Variants in EYA1 observed in about 807,000 individuals in gnomAD.
EYA1 encodes EYA transcriptional coactivator and phosphatase 1, also known as protein phosphatase EYA1.
EYA1 carries 16 observed loss-of-function variants against 82.0 expected under a neutral mutation model. That is an observed-to-expected ratio of 0.20 (90% CI 0.13 to 0.30). The LOEUF (loss-of-function observed/expected upper bound fraction) is 0.30, where lower values mean the gene tolerates loss of function less well. Ranked by LOEUF, EYA1 falls within the 10% of genes least tolerant of loss-of-function variation. EYA1 has a pLI of 1.00. For synonymous variants in EYA1, 261 were observed against 264.4 expected (o/e 0.99, Z 0.12); for missense variants, 633 against 730.7 (o/e 0.87, Z 1.54).
intron 7 of EYA1, among the ~76,000 whole-genome samples, chr8:71,316,206 C>G (rs1821911065): frequency 1.3e-5 from 2 of 152,064 alleles, no homozygotes; most frequent in South Asian, 4.1e-4. Context: ...AACACACAGC[C>G]CTTCCTTGTG....
intron 17 of EYA1, among the ~76,000 whole-genome samples, chr8:71,207,614 C>A (rs1312829942): frequency 1.3e-5 from 2 of 152,054 alleles, no homozygotes; most frequent in African/African-American, 2.4e-5. Context: ...ATGTTTTCTG[C>A]AGGTGGCTGC....
chr8:71,285,607 A>C (rs764405510), intron 9 of EYA1, among the ~76,000 whole-genome samples: 25 of 152,252 alleles, frequency 1.6e-4, no homozygotes, highest in Non-Finnish European at 3.2e-4. Context: ...CAAAGAGAAG[A>C]AATGATAAAG....
chr8:71,250,037 G>A (rs1421203244), intron 11 of EYA1, among the ~76,000 whole-genome samples: 1 of 141,944 alleles, frequency 7.0e-6, no homozygotes, highest in Non-Finnish European at 1.5e-5. Flanking sequence ...TTGCTTTCTT[G>A]TTTTTTTTTT....
At chr8:71,447,452 A>G (rs1806982377) in intron 2 of EYA1, among the ~76,000 whole-genome samples, 1 of 152,220 alleles carries the variant, frequency 6.6e-6, no homozygotes, top group Non-Finnish European at 1.5e-5. Flanking sequence ...ACAGTAGAAC[A>G]GCATTTATTC....
chr8:71,451,311 G>T (rs1488814977), intron 2 of EYA1, among the ~76,000 whole-genome samples: 2 of 151,948 alleles, frequency 1.3e-5, no homozygotes, highest in Admixed American at 6.6e-5. Flanking sequence ...ATAAACAGAA[G>T]AATATTTTTT....
chr8:71,456,623 T>C (rs1037450688), intron 2 of EYA1, among the ~76,000 whole-genome samples: 3 of 151,994 alleles, frequency 2.0e-5, no homozygotes, highest in Admixed American at 2.0e-4. Flanking sequence ...AACCATGTGA[T>C]CTTTGACAAA....
intron 3 of EYA1, among the ~76,000 whole-genome samples, chr8:71,342,592 G>A (rs545500527): frequency 7.2e-5 from 11 of 152,056 alleles, no homozygotes; most frequent in Non-Finnish European, 1.2e-4. Context: ...AAACATTTCA[G>A]AACCCAAAGT....
At chr8:71,461,765 G>C (rs914327279) in intron 2 of EYA1, among the ~76,000 whole-genome samples, 1 of 152,098 alleles carries the variant, frequency 6.6e-6, no homozygotes, top group African/African-American at 2.4e-5. Context: ...AGATCCTGAG[G>C]GGGTAGCTCT....
intron 11 of EYA1, among the ~76,000 whole-genome samples, chr8:71,244,927 A>C (rs1402820661): frequency 1.3e-5 from 2 of 151,826 alleles, no homozygotes; most frequent in Non-Finnish European, 2.9e-5. Flanking sequence ...TGAAGAAAAA[A>C]CTCTTTCTTT....
At position 71,244,777 on chromosome 8, in the gene EYA1, G is replaced by A. The variant is rs1016726267; in HGVS notation, c.1051-85C>T. Reference sequence around the variant, plus strand: ...GTCTCATTAAGAGGAAGCAGGCATTGGGAGAGGCTGAAAGCAAGAGACACA... The same window carrying A: ...GTCTCATTAAGAGGAAGCAGGCATTAGGAGAGGCTGAAAGCAAGAGACACA... On this transcript the variant is annotated intron_variant, in intron 11 of 17. Coordinates refer to ENST00000340726, the MANE Select transcript of EYA1 (RefSeq NM_000503.6). 11 of 802,728 alleles carry A rather than the reference G, an allele frequency of 1.4e-5. No individual in the cohort carries two copies. The African/African-American group carries it at 1.9e-4, about 14-fold the overall frequency. 49.7% of individuals were successfully genotyped at this position (802,728 alleles called of 1,614,324 possible). A position where few individuals can be genotyped will look rare whatever the true frequency, so the allele number is the denominator to read the frequency against.
intron 9 of EYA1, among the ~76,000 whole-genome samples, chr8:71,275,570 A>C (rs574634100): frequency 2.7e-4 from 41 of 152,354 alleles, no homozygotes; most frequent in Non-Finnish European, 5.3e-4. Context: ...GGTTGGGCAC[A>C]GAAAGACAGG....
At chr8:71,222,058 T>C (rs1809990900) in intron 12 of EYA1, among the ~76,000 whole-genome samples, 1 of 152,322 alleles carries the variant, frequency 6.6e-6, no homozygotes, top group African/African-American at 2.4e-5. Flanking sequence ...CTCTTCCAAG[T>C]GCAGTTTCCT....
At chr8:71,428,491 C>T (rs1563604934) in intron 2 of EYA1, among the ~76,000 whole-genome samples, 1 of 152,230 alleles carries the variant, frequency 6.6e-6, no homozygotes, top group East Asian at 1.9e-4. Flanking sequence ...AAGGCTGAAA[C>T]TTTCAAATGC....
At chr8:71,360,199 CAA>C (rs1827251864) in intron 1 of EYA1, among the ~76,000 whole-genome samples, 2 of 151,990 alleles carry the variant, frequency 1.3e-5, no homozygotes. Flanking sequence ...AAGAAAATGA[CAA>C]AATAGAGTCC....
intron 17 of EYA1, among the ~76,000 whole-genome samples, chr8:71,208,718 T>TAA (rs1219446293): frequency 2.3e-5 from 3 of 129,220 alleles, no homozygotes; most frequent in Non-Finnish European, 4.7e-5. Flanking sequence ...CCCTAGAACT[T>TAA]AAAGTATAAT....
intron 9 of EYA1, among the ~76,000 whole-genome samples, chr8:71,297,292 C>G (rs1819698201): frequency 6.6e-6 from 1 of 152,026 alleles, no homozygotes. Flanking sequence ...ACATAGCATC[C>G]CTTTTAGGAA....
intron 17 of EYA1, among the ~76,000 whole-genome samples, chr8:71,203,052 G>A (rs761145352): frequency 1.6e-4 from 25 of 152,064 alleles, no homozygotes; most frequent in Non-Finnish European, 2.8e-4. Context: ...AACATTTCTT[G>A]TATGAAATCG....
chr8:71,283,250 C>T (rs185999890), intron 9 of EYA1, among the ~76,000 whole-genome samples: 1 of 152,060 alleles, frequency 6.6e-6, no homozygotes, highest in African/African-American at 2.4e-5. Context: ...AGAATTCTTT[C>T]CCCAGATATT....
At chr8:71,484,648 G>A (rs983429574) in intron 2 of EYA1, among the ~76,000 whole-genome samples, 1 of 152,168 alleles carries the variant, frequency 6.6e-6, no homozygotes, top group African/African-American at 2.4e-5. Context: ...ATTTTGCACT[G>A]GGTCCTGCAA....
Sources: allele counts gnomAD v4.1 joint callset (sites outside exome capture counted in the v4.1 genomes callset), GRCh38; gene constraint gnomAD v4.1.1; transcripts MANE v1.5; gene names NCBI Gene and HGNC (gene_info 2026-07-23, HGNC 2026-07-21).